CD244: variants seen among roughly 807,000 people sequenced by gnomAD.
CD244 encodes the protein CD244 molecule, also known as natural killer cell receptor 2B4.
CD244 carries 20 observed loss-of-function variants against 45.5 expected under a neutral mutation model. That is an observed-to-expected ratio of 0.44 (90% CI 0.31 to 0.64). The LOEUF is 0.64. Among genes scored for constraint, CD244 ranks in the 30% least tolerant of loss-of-function variants. The pLI, the probability that CD244 is intolerant of heterozygous loss-of-function variation, is 0.08. For missense variants in CD244, 407 were observed against 426.9 expected (o/e 0.95, Z 0.41); for synonymous variants, 185 against 160.5 (o/e 1.15, Z -1.15).
chr1:160,832,242 C>G (rs540084389), intron 8 of CD244, among the ~76,000 whole-genome samples: 5 of 152,330 alleles, frequency 3.3e-5, no homozygotes, highest in African/African-American at 1.2e-4. Flanking sequence ...TTGTGGCCCA[C>G]AGCCTGGGAA....
At chr1:160,860,716 A>G (rs1434914970) in intron 1 of CD244, among the ~76,000 whole-genome samples, 2 of 152,260 alleles carry the variant, frequency 1.3e-5, no homozygotes, top group African/African-American at 4.8e-5. Context: ...AGTAAATGTG[A>G]TAAAATGTTA....
chr1:160,862,854 C>A lies in CD244; in HGVS notation c.-177G>T. 2 of 522,062 alleles carry A rather than the reference C, an allele frequency of 3.8e-6. No individual in the cohort carries two copies. Among genetic ancestry groups the A allele is most frequent in the Admixed American group, 3.2e-5 (1 of 31,120 alleles). The allele number at this position is 522,062 out of a possible 1,614,324, so 32.3% of individuals were successfully genotyped here. A position where few individuals can be genotyped will look rare whatever the true frequency, so the allele number is the denominator to read the frequency against. ...TAACGCCTGCTGTGAGCTGACAAGG[C>A]CACTGAGAAAGCCCCAGCGCCTGGA... is the stretch of plus-strand genomic sequence containing the variant. On this transcript the variant is annotated 5_prime_UTR_variant, in exon 1 of 9. Coordinates refer to ENST00000368034, the MANE Select transcript of CD244 (RefSeq NM_016382.4).
chr1:160,854,341 G>A (rs1670027632), intron 1 of CD244, among the ~76,000 whole-genome samples: 1 of 151,944 alleles, frequency 6.6e-6, no homozygotes, highest in Admixed American at 6.6e-5. Context: ...AACTGAATAG[G>A]AATCACACAG....
chr1:160,862,523 G>T, intron 1 of CD244, 94 bp downstream of exon 1: 1 of 1,084,884 alleles, frequency 9.2e-7, no homozygotes, highest in Non-Finnish European at 1.4e-6. Flanking sequence ...AGATGACTGT[G>T]TATGTGGCAC....
chr1:160,851,296 G>A (rs889301325), intron 1 of CD244, among the ~76,000 whole-genome samples: 3 of 152,118 alleles, frequency 2.0e-5, no homozygotes, highest in Non-Finnish European at 4.4e-5. Flanking sequence ...CCCCTATCCC[G>A]AAGCTGCCTA....
At chr1:160,844,221 A>T (rs1056549014) in intron 1 of CD244, among the ~76,000 whole-genome samples, 1 of 152,242 alleles carries the variant, frequency 6.6e-6, no homozygotes, top group Non-Finnish European at 1.5e-5. Context: ...AGTGAAGTAT[A>T]AGAAAAGGAA....
chr1:160,857,171 G>C (rs928346733), intron 1 of CD244, among the ~76,000 whole-genome samples: 1 of 152,154 alleles, frequency 6.6e-6, no homozygotes, highest in Non-Finnish European at 1.5e-5. Context: ...TCCATCTGCA[G>C]ACCTTCAGAA....
chr1:160,861,741 G>A (rs1336716319), intron 1 of CD244, among the ~76,000 whole-genome samples: 1 of 152,110 alleles, frequency 6.6e-6, no homozygotes, highest in African/African-American at 2.4e-5. Context: ...GGAGGCTGAG[G>A]CATGAGAATC....
In CD244 at chr1:160,841,262, G is replaced by A. The variant is rs1571097578; in HGVS notation, c.603C>T (p.Ser201=). ...TGAGATTCAGGGTGTGGCTTTCCCAGCTAACAGGATTGCTGACATTGCAGG... is the reference window on the plus strand; with the variant it reads ...TGAGATTCAGGGTGTGGCTTTCCCAACTAACAGGATTGCTGACATTGCAGG... ...TYTCNVSNPV[S]WESHTLNLTQ... The change falls in exon 3 of 9, where the codon AGC becomes AGT. Residue 201 remains serine (S), a synonymous_variant. Coordinates refer to ENST00000368034, the MANE Select transcript of CD244 (RefSeq NM_016382.4). The A allele has an allele frequency of 6.2e-7, 1 of 1,614,236 alleles. No homozygotes were observed. The highest frequency in any genetic ancestry group is 1.3e-5 in the African/African-American group (1 of 75,056).
At chr1:160,848,157 G>A in intron 1 of CD244, 1 of 480,606 alleles carries the variant, frequency 2.1e-6, no homozygotes, top group South Asian at 1.6e-5. Flanking sequence ...GGTTACAAGA[G>A]CTCCTGCTCT....
Position 160,838,473 on chromosome 1 carries a change from T to A in CD244, c.812A>T (p.Asp271Val). Residue 271 changes from aspartate to valine, a missense_variant, in exon 5 of 9, where the codon GAT (aspartate) becomes GTT (valine). By Grantham distance (152) the Asp-to-Val change is radical. Coordinates refer to ENST00000368034, the MANE Select transcript of CD244 (RefSeq NM_016382.4). ...EFLTIYEDVK[D>V]LKTRRNHEQE... The stretch of plus-strand genomic sequence containing the variant: ...TACGTGATTTCTCCTGGTTTTCAGA[T>A]CCTTGACATCTTCGTAAATTGTCAA... 6.2e-7 allele frequency: 1 copy of A among 1,613,746 alleles called. No homozygotes were observed. Among genetic ancestry groups the A allele is most frequent in the Non-Finnish European group, 8.5e-7 (1 of 1,179,654 alleles).
intron 1 of CD244, among the ~76,000 whole-genome samples, chr1:160,847,197 AAT>A (rs1669767508): frequency 6.6e-6 from 1 of 152,124 alleles, no homozygotes; most frequent in Non-Finnish European, 1.5e-5. Flanking sequence ...ACAAGTTTAA[AAT>A]ATATAAAATA....
chr1:160,835,371 T>C (rs760202744), intron 6 of CD244, among the ~76,000 whole-genome samples: 2 of 152,192 alleles, frequency 1.3e-5, no homozygotes, highest in Non-Finnish European at 2.9e-5. Flanking sequence ...GACCTGAGTC[T>C]CGGTTTCCTC....
intron 6 of CD244, 89 bp downstream of exon 6, chr1:160,836,106 A>G: frequency 1.1e-6 from 1 of 947,244 alleles, no homozygotes; most frequent in Non-Finnish European, 1.7e-6. Flanking sequence ...CCAAGATCTT[A>G]TTCTGCCATT....
Position 160,857,710 on chromosome 1 carries a change from C to T in CD244, c.61+4907G>A, listed in dbSNP as rs540858242. On this transcript the variant is annotated intron_variant, in intron 1 of 8. Coordinates refer to ENST00000368034, the MANE Select transcript of CD244 (RefSeq NM_016382.4). ...AGATGTACATTTGTAATTTTGTGTA[C>T]TTTTCTGTATGTTGCACTTCAATAA... 6.6e-5 allele frequency among the ~76,000 whole-genome samples: 10 copies of T among 152,300 alleles called. No individual in the cohort carries two copies. The South Asian group carries it at 2.1e-3, about 32-fold the overall frequency.
intron 1 of CD244, among the ~76,000 whole-genome samples, chr1:160,849,304 C>CTTTTTTTTTTTTTT (rs1557840584): frequency 7.4e-5 from 8 of 108,472 alleles, no homozygotes; most frequent in Non-Finnish European, 7.3e-5. Flanking sequence ...TTTTGTTTTA[C>CTTTTTTTTTTTTTT]TTTAAGTTCT....
At chr1:160,848,746 C>G (rs1257138474) in intron 1 of CD244, among the ~76,000 whole-genome samples, 1 of 152,176 alleles carries the variant, frequency 6.6e-6, no homozygotes, top group African/African-American at 2.4e-5. Context: ...GGAGAGCCTC[C>G]AGATAGCTGG....
intron 1 of CD244, among the ~76,000 whole-genome samples, chr1:160,861,768 C>T (rs1440187492): frequency 3.9e-5 from 6 of 152,102 alleles, no homozygotes; most frequent in African/African-American, 1.2e-4. Flanking sequence ...ACCCGGGAGG[C>T]AGAGTTTGTA....
At chr1:160,862,527 G>T (rs1670346999) in intron 1 of CD244, 90 bp downstream of exon 1, 1 of 1,144,844 alleles carries the variant, frequency 8.7e-7, no homozygotes, top group Non-Finnish European at 1.3e-6. Context: ...GACTGTGTAT[G>T]TGGCACAAGC....
Sources: gnomAD v4.1 joint callset for allele counts (sites outside exome capture counted in the v4.1 genomes callset) on GRCh38, gnomAD v4.1.1 for gene constraint, MANE v1.5 for transcripts, NCBI Gene and HGNC (gene_info 2026-07-23, HGNC 2026-07-21) for gene names.